ANTXR2: variants seen among roughly 807,000 people sequenced by gnomAD.
The protein encoded by ANTXR2 is ANTXR cell adhesion molecule 2, also known as anthrax toxin receptor 2.
In ANTXR2, 44 loss-of-function variants were observed where a neutral mutation model predicts 73.7. The ratio of observed to expected loss-of-function variants is 0.60; its 90% CI spans 0.47 to 0.77. The LOEUF (loss-of-function observed/expected upper bound fraction) is 0.77. ANTXR2 is among the 30% of genes least tolerant of loss of function. The pLI, the probability that ANTXR2 is intolerant of heterozygous loss-of-function variation, is 0.00. For missense variants in ANTXR2, 604 were observed against 592.5 expected (o/e 1.02, Z -0.20); for synonymous variants, 217 against 205.9 (o/e 1.05, Z -0.46).
rs370773501 is a variant in ANTXR2 at position 80,017,280 on chromosome 4, C to T, written c.945+1618G>A. On this transcript the variant is annotated intron_variant, in intron 11 of 16. Transcript: ENST00000403729. ...GTCACCTCAGGCTTTGCTCTAGCTG[C>T]TCCCTCTGTGTGGAGCACTATTCCC... 2.0e-5 allele frequency among the ~76,000 whole-genome samples: 3 copies of T among 152,336 alleles called. No individual in the cohort carries two copies. The South Asian group carries it at 6.2e-4, about 32-fold the overall frequency.
intron 16 of ANTXR2, among the ~76,000 whole-genome samples, chr4:79,945,142 T>G (rs1316891983): frequency 6.6e-6 from 1 of 152,078 alleles, no homozygotes; most frequent in Non-Finnish European, 1.5e-5. Flanking sequence ...TAAAAAATTG[T>G]TCACTGAAGG....
intron 16 of ANTXR2, among the ~76,000 whole-genome samples, chr4:79,909,697 T>A (rs1488966289): frequency 6.6e-6 from 1 of 151,800 alleles, no homozygotes; most frequent in Non-Finnish European, 1.5e-5. Context: ...CACCTATATG[T>A]TTTAACACAC....
rs1316019028 is a variant in ANTXR2, at chr4:80,073,121, G to C, written c.-561C>G. ...CGGTGCTGGACTCTGGCACTGCGCT[G>C]ACAGGCCGTCCCCTTTAGGGGAGGA... On this transcript the variant is annotated 5_prime_UTR_variant, in exon 1 of 17. Transcript: ENST00000403729. 6.6e-6 allele frequency: 1 copy of C among 152,630 alleles called. No homozygotes were observed. The highest frequency in any genetic ancestry group is 2.4e-5 in the African/African-American group (1 of 41,468). The allele number at this position is 152,630 out of a possible 1,614,324, so 9.5% of individuals were successfully genotyped here.
At chr4:79,960,382 T>C (rs1302074408) in intron 16 of ANTXR2, among the ~76,000 whole-genome samples, 1 of 152,180 alleles carries the variant, frequency 6.6e-6, no homozygotes, top group African/African-American at 2.4e-5. Flanking sequence ...GAACCTAAAG[T>C]ATCTTTCTGC....
intron 16 of ANTXR2, among the ~76,000 whole-genome samples, chr4:79,920,822 TTAAGA>T (rs1560857831): frequency 1.3e-5 from 2 of 152,120 alleles, no homozygotes; most frequent in Non-Finnish European, 2.9e-5. Flanking sequence ...GCAGATGGAG[TTAAGA>T]TAAGTGACTT....
chr4:80,050,218 A>G (rs60013472), intron 7 of ANTXR2, among the ~76,000 whole-genome samples: 19,752 of 151,668 alleles, frequency 0.13, 2,726 homozygotes, highest in East Asian at 0.71. Context: ...GGAATACTGA[A>G]TTTTGTTTCC....
intron 12 of ANTXR2, among the ~76,000 whole-genome samples, chr4:80,003,818 T>A (rs1731172299): frequency 6.6e-6 from 1 of 152,110 alleles, no homozygotes; most frequent in South Asian, 2.1e-4. Context: ...AGTGGGCATG[T>A]GAGATGGTAC....
At chr4:79,925,950 C>T (rs900354676) in intron 16 of ANTXR2, among the ~76,000 whole-genome samples, 7 of 152,002 alleles carry the variant, frequency 4.6e-5, no homozygotes, top group Admixed American at 2.0e-4. Flanking sequence ...GAGAAAAAGA[C>T]GAACTATACC....
At chr4:80,032,384 A>G (rs1732736780) in intron 9 of ANTXR2, among the ~76,000 whole-genome samples, 1 of 151,846 alleles carries the variant, frequency 6.6e-6, no homozygotes, top group African/African-American at 2.4e-5. Context: ...TAATGCTTAG[A>G]TACAAATGAC....
chr4:79,977,574 C>G, intron 16 of ANTXR2, 47 bp downstream of exon 16: 2 of 1,548,926 alleles, frequency 1.3e-6, no homozygotes, highest in Admixed American at 2.0e-5. Flanking sequence ...CTCCATTATA[C>G]TGACTCAAGC....
Position 79,907,367 on chromosome 4 carries a change from TTGAAAATCAGCTATG to T in ANTXR2, c.*47_*61del. On this transcript the variant is annotated 3_prime_UTR_variant, in exon 17 of 17. Transcript: ENST00000403729. Reference sequence around the variant, plus strand: ...AATGCACTTGATTTTTTTCATTTGGTTGAAAATCAGCTATGTGAAAATGTGCCATCTTCGTACCTT... The same window carrying T: ...AATGCACTTGATTTTTTTCATTTGGTTGAAAATGTGCCATCTTCGTACCTT... The T allele has an allele frequency of 6.5e-7, 1 of 1,542,148 alleles. No individual in the cohort carries two copies. The highest frequency in any genetic ancestry group is 2.3e-5 in the East Asian group (1 of 44,408).
chr4:79,926,978 C>CACAT (rs59750120), intron 16 of ANTXR2, among the ~76,000 whole-genome samples: 14,918 of 130,060 alleles, frequency 0.11, 2,214 homozygotes, highest in African/African-American at 0.32. Flanking sequence ...TGTATATATA[C>CACAT]GTGTGCATAT....
At chr4:80,047,552 C>A (rs1008879642) in intron 7 of ANTXR2, among the ~76,000 whole-genome samples, 1 of 151,548 alleles carries the variant, frequency 6.6e-6, no homozygotes, top group Admixed American at 6.6e-5. Context: ...AATCACAGTG[C>A]CTTCTTCTCC....
intron 11 of ANTXR2, 39 bp from the exon 12 acceptor site, chr4:80,008,655 A>G: frequency 7.4e-7 from 1 of 1,358,784 alleles, no homozygotes; most frequent in Non-Finnish European, 1.0e-6. Flanking sequence ...CAGTCAGCAC[A>G]GCTTATGGTC....
chr4:79,992,387 TAC>T (rs1730513569), intron 12 of ANTXR2, among the ~76,000 whole-genome samples: 1 of 151,856 alleles, frequency 6.6e-6, no homozygotes. Context: ...AGGGAAAAAA[TAC>T]ACAGACAATA....
intron 16 of ANTXR2, among the ~76,000 whole-genome samples, chr4:79,963,576 C>T (rs1729231926): frequency 6.6e-6 from 1 of 152,148 alleles, no homozygotes; most frequent in Admixed American, 6.5e-5. Flanking sequence ...ACCATCTGCC[C>T]TTTGGCCATT....
intron 7 of ANTXR2, among the ~76,000 whole-genome samples, chr4:80,044,651 A>G (rs920952160): frequency 6.6e-6 from 1 of 151,886 alleles, no homozygotes; most frequent in Non-Finnish European, 1.5e-5. Flanking sequence ...CAAAACAAAA[A>G]CACCTCCTAC....
At chr4:80,021,730 T>G (rs1732174879) in intron 10 of ANTXR2, among the ~76,000 whole-genome samples, 2 of 152,194 alleles carry the variant, frequency 1.3e-5, no homozygotes, top group Non-Finnish European at 2.9e-5. Context: ...AACTGCATTC[T>G]CCGAAAATCT....
chr4:79,904,835 T>G lies in ANTXR2; in HGVS notation c.*2594A>C, dbSNP rs1726842813. 6.6e-6 allele frequency: 1 copy of G among 152,200 alleles called. No individual in the cohort carries two copies. 9.4% of individuals were successfully genotyped at this position (152,200 alleles called of 1,614,324 possible). On this transcript the variant is annotated 3_prime_UTR_variant, in exon 17 of 17. Coordinates refer to ENST00000403729, the MANE Select transcript of ANTXR2 (RefSeq NM_058172.6). ...ATAAAATATAAAGTGCCATTAAATT[T>G]ATAGAAATGGCTTCATTTTAATCTT... is the stretch of plus-strand genomic sequence containing the variant.
Sources: allele counts gnomAD v4.1 joint callset (sites outside exome capture counted in the v4.1 genomes callset), GRCh38; gene constraint gnomAD v4.1.1; transcripts MANE v1.5; gene names NCBI Gene and HGNC (gene_info 2026-07-23, HGNC 2026-07-21).